TENM3: variants seen among roughly 807,000 people sequenced by gnomAD.
TENM3 encodes teneurin-3.
TENM3 carries 63 observed loss-of-function variants against 255.1 expected under a neutral mutation model. The ratio of observed to expected loss-of-function variants is 0.25; its 90% confidence interval spans 0.20 to 0.30. TENM3 has a LOEUF of 0.30. Ranked by LOEUF, TENM3 falls within the 10% of genes least tolerant of loss-of-function variation. TENM3 has a pLI of 1.00. For missense variants in TENM3, 2,929 were observed against 3,461.1 expected (o/e 0.85, Z 3.86); for synonymous variants, 1,306 against 1,322.3 (o/e 0.99, Z 0.27).
At chr4:182,372,158 T>C (rs1183336258) in intron 3 of TENM3, among the ~76,000 whole-genome samples, 1 of 152,208 alleles carries the variant, frequency 6.6e-6, no homozygotes, top group Non-Finnish European at 1.5e-5. Context: ...GGTAGCTCTC[T>C]TTTAGTAGCC....
At chr4:182,486,837 C>T (rs944220928) in intron 3 of TENM3, among the ~76,000 whole-genome samples, 1 of 152,180 alleles carries the variant, frequency 6.6e-6, no homozygotes, top group African/African-American at 2.4e-5. Flanking sequence ...CTTAAGGAAA[C>T]TGAAATTTCT....
chr4:181,614,113 C>G, the TENM3 span, among the ~76,000 whole-genome samples: 1 of 151,826 alleles, frequency 6.6e-6, no homozygotes, highest in Non-Finnish European at 1.5e-5. Context: ...TTTCATTTCT[C>G]AATTTAAATT....
chr4:181,950,177 G>A, the TENM3 span, among the ~76,000 whole-genome samples: 1 of 151,914 alleles, frequency 6.6e-6, no homozygotes, highest in East Asian at 1.9e-4. Flanking sequence ...CCTTTTCCTG[G>A]CTCATGCTGG....
chr4:182,075,723 C>T, the TENM3 span, among the ~76,000 whole-genome samples: 1 of 152,160 alleles, frequency 6.6e-6, no homozygotes, highest in African/African-American at 2.4e-5. Context: ...TCCCCATGGC[C>T]TTCTTGGTGA....
the TENM3 span, among the ~76,000 whole-genome samples, chr4:182,019,626 C>A: frequency 6.6e-6 from 1 of 152,174 alleles, no homozygotes; most frequent in Non-Finnish European, 1.5e-5. Context: ...GTAGCCTTGA[C>A]CTCGTTTCTC....
chr4:182,667,624 T>C (rs1754813017), intron 6 of TENM3, among the ~76,000 whole-genome samples: 1 of 152,226 alleles, frequency 6.6e-6, no homozygotes, highest in Non-Finnish European at 1.5e-5. Context: ...CAAATCCTTG[T>C]CCTAACCTTG....
Position 182,263,679 on chromosome 4 carries a change from G to A in TENM3, c.-76+20203G>A, listed in dbSNP as rs528605365. On this transcript the variant is annotated intron_variant, in intron 1 of 27. Transcript: ENST00000511685. Reference sequence around the variant, plus strand: ...GTAGGTCTTCCTCTGGCCTCCCTGAGCATTTCGCCTTGCCCACCCTGCCAC... The same window carrying A: ...GTAGGTCTTCCTCTGGCCTCCCTGAACATTTCGCCTTGCCCACCCTGCCAC... 7.9e-5 allele frequency among the ~76,000 whole-genome samples: 12 copies of A among 152,196 alleles called. No individual in the cohort carries two copies. In the South Asian group the frequency reaches 2.3e-3, roughly 29 times the overall value.
the TENM3 span, among the ~76,000 whole-genome samples, chr4:181,745,924 G>C: frequency 6.6e-6 from 1 of 152,186 alleles, no homozygotes; most frequent in Non-Finnish European, 1.5e-5. Context: ...GGAGTTGACA[G>C]AGAATTGGAT....
At chr4:182,287,807 G>C (rs139418534) in intron 1 of TENM3, among the ~76,000 whole-genome samples, 4,275 of 151,666 alleles carry the variant, frequency 0.028, 197 homozygotes, top group African/African-American at 0.097. Flanking sequence ...TTAGTAAAGA[G>C]GTGGTTTCAC....
chr4:182,231,632 G>A (rs549100156), intron 1 of TENM3, among the ~76,000 whole-genome samples: 7 of 152,290 alleles, frequency 4.6e-5, no homozygotes, highest in East Asian at 1.9e-4. Context: ...CCTGCCTCTC[G>A]CCCCATGAGG....
At chr4:182,609,346 T>C (rs1748763082) in intron 4 of TENM3, among the ~76,000 whole-genome samples, 1 of 152,210 alleles carries the variant, frequency 6.6e-6, no homozygotes. Flanking sequence ...TAATTGCATA[T>C]CTTTTTCTGC....
At chr4:181,954,317 A>AAT in the TENM3 span, among the ~76,000 whole-genome samples, 1 of 152,208 alleles carries the variant, frequency 6.6e-6, no homozygotes, top group African/African-American at 2.4e-5. Flanking sequence ...TCATATACTA[A>AAT]ATATATGTTA....
chr4:182,615,029 A>AGAAG (rs1561005112), intron 4 of TENM3, among the ~76,000 whole-genome samples: 5 of 40,162 alleles, frequency 1.2e-4, no homozygotes, highest in Non-Finnish European at 3.0e-4. Context: ...TGTTTCTCAG[A>AGAAG]AAAAAAAAAA....
At chr4:181,610,013 C>T in the TENM3 span, among the ~76,000 whole-genome samples, 1 of 152,050 alleles carries the variant, frequency 6.6e-6, no homozygotes, top group Non-Finnish European at 1.5e-5. Flanking sequence ...TTCCTGTCTT[C>T]GTAAAGTAAC....
At chr4:182,526,068 C>T (rs1018737832) in intron 3 of TENM3, among the ~76,000 whole-genome samples, 1 of 152,172 alleles carries the variant, frequency 6.6e-6, no homozygotes. Context: ...CAAGCTCTGC[C>T]TCGCAGGTTC....
chr4:181,597,539 C>A, the TENM3 span, among the ~76,000 whole-genome samples: 9 of 151,546 alleles, frequency 5.9e-5, no homozygotes, highest in South Asian at 1.9e-3. Flanking sequence ...ATATCTAAGG[C>A]TATATTTTAA....
chr4:182,086,543 C>T, the TENM3 span, among the ~76,000 whole-genome samples: 1 of 152,322 alleles, frequency 6.6e-6, no homozygotes, highest in Non-Finnish European at 1.5e-5. Context: ...AGCTGAAATA[C>T]ATCCATTTGT....
chr4:182,738,364 C>T (rs1203547636), intron 17 of TENM3, 37 bp from the exon 18 acceptor site: 9 of 1,525,282 alleles, frequency 5.9e-6, no homozygotes, highest in African/African-American at 4.2e-5. Flanking sequence ...TTCCCCCAGT[C>T]GTTGGAAAGA....
the TENM3 span, among the ~76,000 whole-genome samples, chr4:181,677,302 A>G: frequency 0.27 from 41,349 of 151,956 alleles, 6,000 homozygotes; most frequent in African/African-American, 0.35. Context: ...ATAGGCACTG[A>G]AAACTTACCA....
Sources: allele counts gnomAD v4.1 joint callset (sites outside exome capture counted in the v4.1 genomes callset), GRCh38; gene constraint gnomAD v4.1.1; transcripts MANE v1.5; gene names NCBI Gene and HGNC (gene_info 2026-07-23, HGNC 2026-07-21).